Variants in PACSIN2 observed in about 807,000 individuals in gnomAD.
PACSIN2 encodes the protein protein kinase C and casein kinase substrate in neurons 2.
Under a neutral mutation model 63.8 loss-of-function variants are expected in PACSIN2, and 25 were observed. That is an observed-to-expected ratio of 0.39 (90% confidence interval 0.29 to 0.55). The LOEUF is 0.55. Among genes scored for constraint, PACSIN2 ranks in the 20% least tolerant of loss-of-function variants. The pLI is 0.62. For missense variants in PACSIN2, 518 were observed against 646.9 expected (o/e 0.80, Z 2.16); for synonymous variants, 255 against 256.2 (o/e 1.00, Z 0.05).
chr22:42,873,944 A>G (rs1318554866), intron 10 of PACSIN2, among the ~76,000 whole-genome samples: 1 of 151,922 alleles, frequency 6.6e-6, no homozygotes, highest in Non-Finnish European at 1.5e-5. Context: ...GTGTGCCACC[A>G]TGCCTGAATA....
chr22:42,958,930 C>T (rs1417622662), intron 1 of PACSIN2, among the ~76,000 whole-genome samples: 3 of 152,198 alleles, frequency 2.0e-5, no homozygotes, highest in African/African-American at 7.2e-5. Context: ...AGGGGAGCCA[C>T]TGTTTTTCAA....
At chr22:42,958,003 A>T (rs1042211190) in intron 1 of PACSIN2, among the ~76,000 whole-genome samples, 5 of 152,182 alleles carry the variant, frequency 3.3e-5, no homozygotes, top group African/African-American at 1.2e-4. Flanking sequence ...AATTCACTAT[A>T]CATCTATGCA....
chr22:42,983,540 G>A (rs567689317), intron 1 of PACSIN2, among the ~76,000 whole-genome samples: 1 of 151,396 alleles, frequency 6.6e-6, no homozygotes, highest in East Asian at 1.9e-4. Context: ...TATTGGTGTG[G>A]CATATGCAAA....
At chr22:43,012,189 ACATACATACAT>A in intron 1 of PACSIN2, among the ~76,000 whole-genome samples, 1 of 148,616 alleles carries the variant, frequency 6.7e-6, no homozygotes, top group Admixed American at 6.8e-5. Context: ...ATACATACAT[ACATACATACAT>A]ACAAACATAC....
chr22:42,979,243 G>A (rs1440810370), intron 1 of PACSIN2, among the ~76,000 whole-genome samples: 1 of 152,120 alleles, frequency 6.6e-6, no homozygotes, highest in East Asian at 1.9e-4. Context: ...GAGATATTTG[G>A]CCAGGTGCGG....
At chr22:42,884,365 T>G in intron 6 of PACSIN2, 21 bp downstream of exon 6, 1 of 1,604,274 alleles carries the variant, frequency 6.2e-7, no homozygotes. Context: ...ACGTGTGTGT[T>G]TTAGCTCAAA....
chr22:42,967,398 T>C (rs569820768), intron 1 of PACSIN2, among the ~76,000 whole-genome samples: 32 of 152,228 alleles, frequency 2.1e-4, no homozygotes, highest in African/African-American at 7.5e-4. Context: ...CCTAAGGACA[T>C]TTAAAAAAGA....
At chr22:42,885,522 G>A (rs763576345) in intron 5 of PACSIN2, among the ~76,000 whole-genome samples, 8 of 152,164 alleles carry the variant, frequency 5.3e-5, no homozygotes, top group Non-Finnish European at 8.8e-5. Context: ...GAAGGATGGA[G>A]CGCTTCCCGA....
chr22:42,915,921 T>C (rs1210340925), intron 1 of PACSIN2, among the ~76,000 whole-genome samples: 2 of 152,118 alleles, frequency 1.3e-5, no homozygotes, highest in Non-Finnish European at 2.9e-5. Flanking sequence ...AGGCAAGATA[T>C]AGAAAACCCA....
chr22:42,941,779 T>C (rs1020139002), intron 1 of PACSIN2, among the ~76,000 whole-genome samples: 1 of 152,166 alleles, frequency 6.6e-6, no homozygotes, highest in African/African-American at 2.4e-5. Flanking sequence ...TTTTGTTTTG[T>C]TTTGTTTGAG....
chr22:42,925,052 A>T (rs1446591410), intron 1 of PACSIN2, among the ~76,000 whole-genome samples: 1 of 151,386 alleles, frequency 6.6e-6, no homozygotes, highest in Non-Finnish European at 1.5e-5. Flanking sequence ...CCCCAGTGAG[A>T]ACTTTTCTAA....
intron 1 of PACSIN2, among the ~76,000 whole-genome samples, chr22:42,963,200 C>T (rs1229636223): frequency 1.3e-5 from 2 of 152,214 alleles, no homozygotes; most frequent in African/African-American, 4.8e-5. Context: ...AAGGTCCCTG[C>T]CCCGGCCCAC....
In PACSIN2 at chr22:42,882,083, C is replaced by A. The variant is rs1200754280; in HGVS notation, c.906+101G>T. On this transcript the variant is annotated intron_variant, in intron 7 of 10. Coordinates refer to ENST00000263246, the MANE Select transcript of PACSIN2 (RefSeq NM_001184970.3). ...AAGGCTGCCTGATAAACAGGGCAAA[C>A]ACTAACATAGAGTCTAGAATGAGAA... 4 of 1,389,672 alleles carry A rather than the reference C, an allele frequency of 2.9e-6. No individual in the cohort carries two copies. In the African/African-American group the frequency reaches 5.7e-5, roughly 20 times the overall value. The allele number at this position is 1,389,672 out of a possible 1,614,324, so 86.1% of individuals were successfully genotyped here. A position where few individuals can be genotyped will look rare whatever the true frequency, so the allele number is the denominator to read the frequency against.
intron 1 of PACSIN2, among the ~76,000 whole-genome samples, chr22:42,958,928 C>T (rs932987967): frequency 6.6e-6 from 1 of 152,132 alleles, no homozygotes; most frequent in African/African-American, 2.4e-5. Context: ...AAAGGGGAGC[C>T]ACTGTTTTTC....
intron 4 of PACSIN2, among the ~76,000 whole-genome samples, chr22:42,890,605 C>G (rs1693413822): frequency 6.6e-6 from 1 of 152,168 alleles, no homozygotes; most frequent in Admixed American, 6.5e-5. Flanking sequence ...GTAGTCCCAG[C>G]TACTCGGAGG....
At chr22:42,986,487 C>T (rs1922618353) in intron 1 of PACSIN2, among the ~76,000 whole-genome samples, 1 of 152,198 alleles carries the variant, frequency 6.6e-6, no homozygotes, top group South Asian at 2.1e-4. Flanking sequence ...CAGACAGGCT[C>T]GATCTCACCA....
intron 1 of PACSIN2, among the ~76,000 whole-genome samples, chr22:43,010,398 A>ATATATATATATATATATATATTTTTTTTT: frequency 1.6e-5 from 2 of 126,396 alleles, no homozygotes; most frequent in African/African-American, 2.8e-5. Flanking sequence ...ATATATATAT[A>ATATATATATATATATATATATTTTTTTTT]TTTTTTTTTA....
intron 10 of PACSIN2, among the ~76,000 whole-genome samples, chr22:42,875,680 T>C (rs1928561271): frequency 6.6e-6 from 1 of 152,088 alleles, no homozygotes. Context: ...TGATTATAGA[T>C]GCCCCGCCAC....
intron 4 of PACSIN2, among the ~76,000 whole-genome samples, chr22:42,889,402 T>C (rs1422719246): frequency 5.3e-5 from 1 of 18,738 alleles, no homozygotes; most frequent in East Asian, 4.5e-3. Context: ...ACACACACTC[T>C]TAACAGATCC....
Sources: allele counts gnomAD v4.1 joint callset (sites outside exome capture counted in the v4.1 genomes callset), GRCh38; gene constraint gnomAD v4.1.1; transcripts MANE v1.5; gene names NCBI Gene and HGNC (gene_info 2026-07-23, HGNC 2026-07-21).